Variants in FGFR3 observed in about 807,000 individuals in gnomAD.
The protein encoded by FGFR3 is FGFR-3.
FGFR3 carries 25 observed loss-of-function variants against 82.9 expected under a neutral mutation model. The ratio of observed to expected loss-of-function variants is 0.30; its 90% CI spans 0.22 to 0.42. The LOEUF is 0.42. FGFR3 is among the 10% of genes least tolerant of loss of function. FGFR3 has a pLI of 1.00. For missense variants in FGFR3, 1,026 were observed against 1,161.0 expected (o/e 0.88, Z 1.69); for synonymous variants, 620 against 516.0 (o/e 1.20, Z -2.73).
chr4:1,794,972 C>T (rs1031733844), intron 2 of FGFR3, among the ~76,000 whole-genome samples: 4 of 151,682 alleles, frequency 2.6e-5, no homozygotes, highest in Admixed American at 6.6e-5. Flanking sequence ...GATGGCGGCT[C>T]GGCGGCTCGC....
Position 1,806,330 on chromosome 4 carries a change from A to G in FGFR3, c.2030+3A>G, listed in dbSNP as rs2108809378. 2 of 1,613,018 alleles carry G rather than the reference A, an allele frequency of 1.2e-6. No homozygotes were observed. Among genetic ancestry groups the G allele is most frequent in the Non-Finnish European group, 1.7e-6 (2 of 1,179,960 alleles). On this transcript the variant is annotated splice_donor_region_variant and intron_variant, in intron 15 of 17. Coordinates refer to ENST00000440486, the MANE Select transcript of FGFR3 (RefSeq NM_000142.5). ...GTCTACACTCACCAGAGTGACGTGT[A>G]CGTGTCCTGCAGAGCTCAGGCTTCA...
intron 2 of FGFR3, 54 bp downstream of exon 2, chr4:1,794,097 T>C (rs1183028034): frequency 2.7e-6 from 3 of 1,121,950 alleles, no homozygotes; most frequent in Admixed American, 3.9e-5. Context: ...GGCAGAGGCG[T>C]TGGGGACGGG....
At chr4:1,800,614 T>A (rs1049773745) in intron 4 of FGFR3, among the ~76,000 whole-genome samples, 2 of 152,116 alleles carry the variant, frequency 1.3e-5, no homozygotes, top group East Asian at 3.9e-4. Context: ...CTTTCCAGCC[T>A]GTGTCCACAC....
chr4:1,803,642 C>A (rs1174398242), intron 7 of FGFR3, 50 bp from the exon 8 acceptor site: 5 of 1,598,606 alleles, frequency 3.1e-6, no homozygotes, highest in African/African-American at 1.3e-5. Context: ...CTGTGCGGTG[C>A]CCGCAGGGCG....
At chr4:1,802,823 G>T (rs889287064) in intron 7 of FGFR3, 4 of 1,450,774 alleles carry the variant, frequency 2.8e-6, no homozygotes, top group South Asian at 2.8e-5. Context: ...GCCCAGCCTC[G>T]ATCTGTACCT....
At chr4:1,802,850 C>CCTGCCTCGTGCCCGGCGGGG in intron 7 of FGFR3, 1 of 1,525,088 alleles carries the variant, frequency 6.6e-7, no homozygotes, top group Non-Finnish European at 8.8e-7. Flanking sequence ...TCTCCCACAT[C>CCTGCCTCGTGCCCGGCGGGG]CTGCCTCGTG....
At position 1,803,535 on chromosome 4, in the gene FGFR3, G is replaced by T. The variant is rs546862866; in HGVS notation, c.931-157G>T. ...CTCAGTACCGGTGTACCAGGCGGAGGGCCCTCAGCCGCGTGGCGGTGACCA... is the reference window on the plus strand; with the variant it reads ...CTCAGTACCGGTGTACCAGGCGGAGTGCCCTCAGCCGCGTGGCGGTGACCA... On this transcript the variant is annotated intron_variant, in intron 7 of 17. Transcript: ENST00000440486. Among the ~76,000 whole-genome samples, 177 of 152,378 alleles carry T rather than the reference G, an allele frequency of 1.2e-3. 2 individuals are homozygous for T. Among genetic ancestry groups the T allele is most frequent in the African/African-American group, 4.2e-3 (175 of 41,596 alleles).
chr4:1,799,463 T>C lies in FGFR3; in HGVS notation c.319T>C (p.Tyr107His), dbSNP rs867943101. 6.3e-7 allele frequency: 1 copy of C among 1,599,844 alleles called. No homozygotes were observed. The highest frequency in any genetic ancestry group is 8.5e-7 in the Non-Finnish European group (1 of 1,174,036). Residue 107 changes from tyrosine (Y) to histidine (H), a missense_variant, in exon 3 of 18, where the codon TAC becomes CAC. Physicochemically the swap from Tyr to His is moderately conservative, Grantham distance 83 (BLOSUM62 2). Transcript: ENST00000440486. ...TGCCTCCCACGAGGACTCCGGGGCCTACAGCTGCCGGCAGCGGCTCACGCA... is the reference window on the plus strand; with the variant it reads ...TGCCTCCCACGAGGACTCCGGGGCCCACAGCTGCCGGCAGCGGCTCACGCA... ...LNASHEDSGA[Y>H]SCRQRLTQRV...
rs377402598 is a variant in FGFR3 at position 1,806,835 on chromosome 4, G to A, written c.2175G>A (p.Met725Ile). 2.5e-6 allele frequency: 4 copies of A among 1,607,206 alleles called. No individual in the cohort carries two copies. In the African/African-American group the frequency reaches 5.3e-5, roughly 21 times the overall value. Residue 725 changes from methionine to isoleucine, a missense_variant, in exon 17 of 18, where the codon ATG becomes ATA. Met to Ile is a conservative substitution (Grantham distance 10). Coordinates refer to ENST00000440486, the MANE Select transcript of FGFR3 (RefSeq NM_000142.5). ...KPANCTHDLY[M>I]IMRECWHAAP... ...CTGAGCGCCCTGCCCGCAGGTACAT[G>A]ATCATGCGGGAGTGCTGGCATGCCG...
At chr4:1,795,689 C>G (rs1414735240) in intron 2 of FGFR3, among the ~76,000 whole-genome samples, 2 of 152,162 alleles carry the variant, frequency 1.3e-5, no homozygotes, top group South Asian at 2.1e-4. Flanking sequence ...CCAGGACAGC[C>G]CCCATCTCCC....
chr4:1,799,776 G>T lies in FGFR3; in HGVS notation c.409G>T (p.Gly137Trp). The T allele has an allele frequency of 6.2e-7, 1 of 1,613,060 alleles. No individual in the cohort carries two copies. Among genetic ancestry groups the T allele is most frequent in the Non-Finnish European group, 8.5e-7 (1 of 1,179,970 alleles). The change falls in exon 4 of 18, where the codon GGG becomes TGG. Residue 137 changes from glycine to tryptophan, a missense_variant. Gly to Trp is a radical substitution (Grantham distance 184, BLOSUM62 -2). Transcript: ENST00000440486. Reference protein sequence around the residue: ...DAPSSGDDEDGEDEAEDTGVD... With the variant: ...DAPSSGDDEDWEDEAEDTGVD... ...TCCATCCTCGGGAGATGACGAAGAC[G>T]GGGAGGACGAGGCTGAGGACACAGG...
rs777034307 is a variant in FGFR3, at chr4:1,806,884, A to G, written c.2224A>G (p.Lys742Glu). ...HAAPSQRPTF[K>E]QLVEDLDRVL... ...CGCGCCCTCCCAGAGGCCCACCTTC[A>G]AGCAGCTGGTGGAGGACCTGGACCG... Residue 742 changes from lysine to glutamate, a missense_variant, in exon 17 of 18, where the codon AAG (lysine) becomes GAG (glutamate). Physicochemically the swap from Lys to Glu is moderately conservative, Grantham distance 56. Transcript: ENST00000440486. 1.2e-6 allele frequency: 2 copies of G among 1,611,598 alleles called. No individual in the cohort carries two copies. Among genetic ancestry groups the G allele is most frequent in the South Asian group, 1.1e-5 (1 of 90,872 alleles).
Position 1,802,038 on chromosome 4 carries a change from G to A in FGFR3, c.930+13G>A, listed in dbSNP as rs1338905300. On this transcript the variant is annotated intron_variant, in intron 7 of 17. Coordinates refer to ENST00000440486, the MANE Select transcript of FGFR3 (RefSeq NM_000142.5). ...TACCGTGCTCAAGGTGGGCCACCGT[G>A]TGCACGTGGGTGCCGCCGCTGGGGC... The A allele has an allele frequency of 6.2e-7, 1 of 1,606,090 alleles. No homozygotes were observed. The highest frequency in any genetic ancestry group is 8.5e-7 in the Non-Finnish European group (1 of 1,176,598).
chr4:1,804,873 G>A lies in FGFR3; in HGVS notation c.1316G>A (p.Arg439His), dbSNP rs529493162. 2.0e-5 allele frequency: 31 copies of A among 1,550,068 alleles called. No individual in the cohort carries two copies. Among genetic ancestry groups the A allele is most frequent in the Middle Eastern group, 3.6e-4 (2 of 5,588 alleles). The change falls in exon 10 of 18, where the codon CGC becomes CAC. Residue 439 changes from arginine to histidine, a missense_variant. Arg to His is a conservative substitution (Grantham distance 29, BLOSUM62 0). This residue lies in a region of FGFR3 where 256 missense variants were observed against 217.6 expected (regional missense o/e 1.18). Coordinates refer to ENST00000440486, the MANE Select transcript of FGFR3 (RefSeq NM_000142.5). ...ASMSSNTPLVRIARLSSGEGP... is the reference protein window; with the variant it reads ...ASMSSNTPLVHIARLSSGEGP... ...ATGAGCTCCAACACACCACTGGTGC[G>A]CATCGCAAGGCTGTCCTCAGGGGAG...
rs1461158492 is a variant in FGFR3, at chr4:1,804,294, G to GTT, written c.1076-36_1076-35insTT. Reference sequence around the variant, plus strand: ...ATCCATGGGAGCCCCGTGGGGGGGGGGGCCAGGCCAGGCCTCAACGCCCAT... The same window carrying GTT: ...ATCCATGGGAGCCCCGTGGGGGGGGGTTGGCCAGGCCAGGCCTCAACGCCCAT... On this transcript the variant is annotated intron_variant, in intron 8 of 17. Coordinates refer to ENST00000440486, the MANE Select transcript of FGFR3 (RefSeq NM_000142.5). 6 of 1,553,430 alleles carry GTT rather than the reference G, an allele frequency of 3.9e-6. No homozygotes were observed. The African/African-American group carries it at 8.2e-5, about 21-fold the overall frequency.
intron 4 of FGFR3, 105 bp downstream of exon 4, chr4:1,799,917 T>C (rs1720993201): frequency 7.8e-7 from 1 of 1,288,184 alleles, no homozygotes; most frequent in South Asian, 1.3e-5. Context: ...CGGAACAACC[T>C]CCCTGGGGTC....
In FGFR3 at chr4:1,805,925, C is replaced by T. The variant is rs370203006; in HGVS notation, c.1821C>T (p.Tyr607=). Residue 607 remains tyrosine, a synonymous_variant, in exon 13 of 18, where the codon TAC becomes TAT. Transcript: ENST00000440486. ...ACCAGGTGGCCCGGGGCATGGAGTACTTGGCCTCCCAGAAGGTGGGCAGGG... is the reference window on the plus strand; with the variant it reads ...ACCAGGTGGCCCGGGGCATGGAGTATTTGGCCTCCCAGAAGGTGGGCAGGG... ...CAYQVARGME[Y]LASQKCIHRD... 6.8e-6 allele frequency: 11 copies of T among 1,609,530 alleles called. No homozygotes were observed. The South Asian group carries it at 9.9e-5, about 15-fold the overall frequency.
chr4:1,799,688 G>C (rs1429970109), intron 3 of FGFR3, 59 bp from the exon 4 acceptor site: 1 of 1,600,958 alleles, frequency 6.2e-7, no homozygotes, highest in Admixed American at 1.7e-5. Context: ...TCTGGGAGGG[G>C]CACCTGGGGG....
At position 1,802,109 on chromosome 4, in the gene FGFR3, G is replaced by A. The variant is rs553098819; in HGVS notation, c.930+84G>A. 12 of 1,461,392 alleles carry A rather than the reference G, an allele frequency of 8.2e-6. No individual in the cohort carries two copies. In the East Asian group the frequency reaches 9.9e-5, roughly 12 times the overall value. The allele number at this position is 1,461,392 out of a possible 1,614,324, so 90.5% of individuals were successfully genotyped here. A position where few individuals can be genotyped will look rare whatever the true frequency, so the allele number is the denominator to read the frequency against. On this transcript the variant is annotated intron_variant, in intron 7 of 17. Transcript: ENST00000440486. Reference sequence around the variant, plus strand: ...TGCCCCTTGGCTGCGGGTTGCGTGAGGATTTGGGTCTAGGGGTTGGAGCTT... The same window carrying A: ...TGCCCCTTGGCTGCGGGTTGCGTGAAGATTTGGGTCTAGGGGTTGGAGCTT...
Sources: gnomAD v4.1 joint callset for allele counts (sites outside exome capture counted in the v4.1 genomes callset) on GRCh38, gnomAD v4.1.1 for gene constraint, gnomAD v4.1.1 regional missense constraint, MANE v1.5 for transcripts, NCBI Gene and HGNC (gene_info 2026-07-23, HGNC 2026-07-21) for gene names.